The following GNAQ variants were observed in gnomAD, a reference collection of about 807,000 sequenced individuals.
GNAQ encodes G protein subunit alpha q.
In GNAQ, 8 loss-of-function variants were observed where a neutral mutation model predicts 43.9. The ratio of observed to expected loss-of-function variants is 0.18; its 90% CI spans 0.11 to 0.33. The LOEUF is 0.33. Ranked by LOEUF, GNAQ falls within the 10% of genes least tolerant of loss-of-function variation. The pLI is 1.00. For missense variants in GNAQ, 158 were observed against 450.8 expected (o/e 0.35, Z 5.88); for synonymous variants, 155 against 170.7 (o/e 0.91, Z 0.71).
chr9:77,919,292 A>C (rs1437506507), intron 2 of GNAQ, among the ~76,000 whole-genome samples: 8 of 152,200 alleles, frequency 5.3e-5, no homozygotes, highest in Non-Finnish European at 1.2e-4. Context: ...TGCCAGGGAC[A>C]ATGAAGAATG....
At chr9:77,750,783 A>G (rs1030433013) in intron 5 of GNAQ, among the ~76,000 whole-genome samples, 2 of 152,120 alleles carry the variant, frequency 1.3e-5, no homozygotes, top group African/African-American at 4.8e-5. Context: ...ACCCTGACTG[A>G]CTGAGCTTCT....
intron 2 of GNAQ, among the ~76,000 whole-genome samples, chr9:77,902,090 C>G (rs1299305386): frequency 1.3e-5 from 2 of 152,172 alleles, no homozygotes; most frequent in Non-Finnish European, 2.9e-5. Flanking sequence ...AACAAGTTAC[C>G]TAACTCTTCT....
At chr9:77,741,497 C>T (rs531843706) in intron 5 of GNAQ, among the ~76,000 whole-genome samples, 1 of 152,132 alleles carries the variant, frequency 6.6e-6, no homozygotes, top group African/African-American at 2.4e-5. Flanking sequence ...AGGTTTCTTA[C>T]TTTCCTTTTT....
intron 5 of GNAQ, among the ~76,000 whole-genome samples, chr9:77,729,205 A>G (rs1251938678): frequency 2.6e-5 from 4 of 152,198 alleles, no homozygotes; most frequent in African/African-American, 9.7e-5. Context: ...CACCCTTTAT[A>G]AACACATGGA....
chr9:78,012,409 A>G (rs1018782999), intron 1 of GNAQ, among the ~76,000 whole-genome samples: 1 of 151,876 alleles, frequency 6.6e-6, no homozygotes, highest in Non-Finnish European at 1.5e-5. Context: ...GAGTTTCACC[A>G]TGTTGGCCAG....
chr9:77,833,972 G>GT (rs1033002887), intron 2 of GNAQ, among the ~76,000 whole-genome samples: 3 of 151,808 alleles, frequency 2.0e-5, no homozygotes, highest in South Asian at 2.1e-4. Flanking sequence ...AAAATGGTGG[G>GT]TTTTTTTTAA....
chr9:77,765,531 T>C (rs889065382), intron 5 of GNAQ, among the ~76,000 whole-genome samples: 2 of 152,254 alleles, frequency 1.3e-5, no homozygotes, highest in East Asian at 3.9e-4. Context: ...TCGACAAAAC[T>C]AATCATTAGG....
At chr9:77,845,988 C>G (rs192713834) in intron 2 of GNAQ, among the ~76,000 whole-genome samples, 1 of 152,240 alleles carries the variant, frequency 6.6e-6, no homozygotes, top group East Asian at 1.9e-4. Context: ...GGCCAGGAGG[C>G]GATGCTCTAG....
intron 5 of GNAQ, among the ~76,000 whole-genome samples, chr9:77,756,502 T>C (rs867271087): frequency 3.9e-5 from 6 of 152,226 alleles, no homozygotes; most frequent in Admixed American, 3.9e-4. Flanking sequence ...TTTGAAGTTA[T>C]AGGTGGGCAG....
chr9:77,796,096 C>T (rs577238813), intron 4 of GNAQ, among the ~76,000 whole-genome samples: 4 of 152,296 alleles, frequency 2.6e-5, no homozygotes, highest in African/African-American at 9.6e-5. Context: ...ATATAGAATG[C>T]TGGAGCTACA....
At chr9:77,922,778 G>A (rs952923483) in intron 1 of GNAQ, among the ~76,000 whole-genome samples, 6 of 152,088 alleles carry the variant, frequency 3.9e-5, no homozygotes, top group South Asian at 2.1e-4. Context: ...TTACACAAAC[G>A]GTATTCAGAC....
intron 2 of GNAQ, among the ~76,000 whole-genome samples, chr9:77,861,939 A>T (rs1264888572): frequency 7.4e-6 from 1 of 135,666 alleles, no homozygotes; most frequent in African/African-American, 2.7e-5. Context: ...TGGGAGGCGG[A>T]GGTTGCGGTG....
intron 2 of GNAQ, among the ~76,000 whole-genome samples, chr9:77,893,488 T>C (rs1218541966): frequency 6.6e-6 from 1 of 152,234 alleles, no homozygotes; most frequent in Non-Finnish European, 1.5e-5. Context: ...ACCCCTTGTT[T>C]AGCACAGAAT....
At chr9:77,895,823 C>A (rs1459995962) in intron 2 of GNAQ, among the ~76,000 whole-genome samples, 1 of 152,104 alleles carries the variant, frequency 6.6e-6, no homozygotes. Flanking sequence ...CTCATGAGAT[C>A]TGACCATTTT....
chr9:77,728,208 T>C (rs1270822162), intron 6 of GNAQ, among the ~76,000 whole-genome samples: 2 of 152,172 alleles, frequency 1.3e-5, no homozygotes, highest in Non-Finnish European at 2.9e-5. Flanking sequence ...TTGACCAGGA[T>C]GGTCTCGATC....
Position 77,718,982 on chromosome 9 carries a change from A to G in GNAQ, c.*2341T>C, listed in dbSNP as rs1564089869. The G allele has an allele frequency of 4.3e-6, 1 of 232,302 alleles. No individual in the cohort carries two copies. Among genetic ancestry groups the G allele is most frequent in the Admixed American group, 5.6e-5 (1 of 17,766 alleles). The allele number at this position is 232,302 out of a possible 1,614,324, so 14.4% of individuals were successfully genotyped here. On this transcript the variant is annotated 3_prime_UTR_variant, in exon 7 of 7. Coordinates refer to ENST00000286548, the MANE Select transcript of GNAQ (RefSeq NM_002072.5). ...CTACAAAGTTGGTTTCCATGTTTGT[A>G]TAAAAGCTCCGACTGATTTTATGTA...
intron 1 of GNAQ, among the ~76,000 whole-genome samples, chr9:77,983,808 T>C (rs1019969392): frequency 1.3e-5 from 2 of 151,988 alleles, no homozygotes. Context: ...TCTATTCCAC[T>C]CTTTTAGTGG....
At chr9:77,823,480 G>C (rs1827146607) in intron 2 of GNAQ, among the ~76,000 whole-genome samples, 1 of 152,150 alleles carries the variant, frequency 6.6e-6, no homozygotes, top group South Asian at 2.1e-4. Context: ...TACCAAAACA[G>C]TTAATGTTTG....
At chr9:77,737,895 T>C (rs1272492261) in intron 5 of GNAQ, among the ~76,000 whole-genome samples, 3 of 152,234 alleles carry the variant, frequency 2.0e-5, no homozygotes, top group African/African-American at 4.8e-5. Context: ...GTCCGCTTAG[T>C]ATCTCTTTGC....
Sources: gnomAD v4.1 joint callset for allele counts (sites outside exome capture counted in the v4.1 genomes callset) on GRCh38, gnomAD v4.1.1 for gene constraint, MANE v1.5 for transcripts, NCBI Gene and HGNC (gene_info 2026-07-23, HGNC 2026-07-21) for gene names.